The following CDK19 variants were observed in gnomAD, a reference collection of about 807,000 sequenced individuals.
The protein encoded by CDK19 is cyclin dependent kinase 19.
CDK19 carries 20 observed loss-of-function variants against 68.3 expected under a neutral mutation model. The ratio of observed to expected loss-of-function variants is 0.29; its 90% CI spans 0.21 to 0.43. CDK19 has a LOEUF of 0.43. CDK19 is among the 20% of genes least tolerant of loss of function. CDK19 has a pLI of 1.00. For missense variants in CDK19, 339 were observed against 623.5 expected, an observed-to-expected ratio of 0.54 and a Z score of 4.86; for synonymous variants, 221 against 222.8, an observed-to-expected ratio of 0.99 and a Z score of 0.07.
chr6:110,795,663 C>T (rs538869475), intron 1 of CDK19, among the ~76,000 whole-genome samples: 14 of 152,080 alleles, frequency 9.2e-5, no homozygotes, highest in African/African-American at 3.4e-4. Context: ...TTATAAGACG[C>T]TATTTTAAGG....
rs370219118 is a variant in CDK19 at position 110,788,329 on chromosome 6, AT to A, written c.128+26679del. On this transcript the variant is annotated intron_variant, in intron 1 of 12. Coordinates refer to ENST00000368911, the MANE Select transcript of CDK19 (RefSeq NM_015076.5). ...AGGTTTGCATCACCATGCCTGGCTAATTTTTTTTTTAAGAGACAGGGTCCCA... is the reference window on the plus strand; with the variant it reads ...AGGTTTGCATCACCATGCCTGGCTAATTTTTTTTTAAGAGACAGGGTCCCA... Among the ~76,000 whole-genome samples the A allele has an allele frequency of 2.4e-4, 36 of 148,688 alleles. No individual in the cohort carries two copies. In the East Asian group the frequency reaches 2.9e-3, roughly 12 times the overall value.
chr6:110,642,393 T>C (rs999450907), intron 4 of CDK19, among the ~76,000 whole-genome samples: 4 of 150,764 alleles, frequency 2.7e-5, no homozygotes, highest in Non-Finnish European at 5.9e-5. Context: ...TCAACAAATA[T>C]TGTTTGATCA....
chr6:110,805,283 T>C (rs1733604780), intron 1 of CDK19, among the ~76,000 whole-genome samples: 1 of 152,198 alleles, frequency 6.6e-6, no homozygotes, highest in African/African-American at 2.4e-5. Context: ...ATCTTGTCCC[T>C]TTGTTTTAGA....
At chr6:110,674,551 G>A (rs1203159382) in intron 2 of CDK19, among the ~76,000 whole-genome samples, 1 of 152,162 alleles carries the variant, frequency 6.6e-6, no homozygotes, top group Admixed American at 6.5e-5. Context: ...CCTTATTGTG[G>A]ATAGGGAGAA....
In CDK19 at chr6:110,673,936, T is replaced by G. The variant is rs1185859764; in HGVS notation, c.205-3395A>C. 3.3e-5 allele frequency among the ~76,000 whole-genome samples: 5 copies of G among 152,118 alleles called. No individual in the cohort carries two copies. The East Asian group carries it at 7.7e-4, about 23-fold the overall frequency. ...TATGTCATACAGATAGTTACTTCGT[T>G]GCTTCACAGATACTGTGTTTTTCCC... On this transcript the variant is annotated intron_variant, in intron 2 of 12. Transcript: ENST00000368911.
chr6:110,641,625 A>G (rs1582751992), intron 4 of CDK19, among the ~76,000 whole-genome samples: 2 of 116,930 alleles, frequency 1.7e-5, no homozygotes, highest in Admixed American at 8.4e-5. Flanking sequence ...AAGAAAGGAG[A>G]GGAAAGGAGG....
rs541530190 is a variant in CDK19, at chr6:110,668,418, C to G, written c.316-844G>C. Among the ~76,000 whole-genome samples the G allele has an allele frequency of 5.9e-5, 9 of 152,124 alleles. No homozygotes were observed. In the South Asian group the frequency reaches 1.9e-3, roughly 32 times the overall value. Reference sequence around the variant, plus strand: ...AGCTTTTTTATTTTTATAAACTGTTCAGTAATAACATTGATTTGATTTTAA... The same window carrying G: ...AGCTTTTTTATTTTTATAAACTGTTGAGTAATAACATTGATTTGATTTTAA... On this transcript the variant is annotated intron_variant, in intron 3 of 12. Coordinates refer to ENST00000368911, the MANE Select transcript of CDK19 (RefSeq NM_015076.5).
intron 1 of CDK19, among the ~76,000 whole-genome samples, chr6:110,749,817 G>GCTCTTCCAAT (rs1554218100): frequency 2.7e-5 from 4 of 145,998 alleles, no homozygotes; most frequent in South Asian, 2.4e-4. Flanking sequence ...CTGTTGCTCA[G>GCTCTTCCAAT]GCTGGAGTGC....
At chr6:110,667,617 A>G in intron 3 of CDK19, 43 bp from the exon 4 acceptor site, 1 of 1,073,872 alleles carries the variant, frequency 9.3e-7, no homozygotes, top group East Asian at 2.8e-5. Flanking sequence ...CTTTGCTAAT[A>G]TCTATGCCAA....
At chr6:110,814,763 C>T (rs1405089924) in intron 1 of CDK19, 2 of 656,468 alleles carry the variant, frequency 3.0e-6, no homozygotes, top group Non-Finnish European at 5.6e-6. Flanking sequence ...CGGAGGGCGC[C>T]CCTCTGGGAC....
chr6:110,769,574 AAAAAAT>A (rs1212575112), intron 1 of CDK19, among the ~76,000 whole-genome samples: 61 of 146,574 alleles, frequency 4.2e-4, no homozygotes, highest in Middle Eastern at 3.4e-3. Context: ...CAAAAAAAAA[AAAAAAT>A]AATAATAATA....
In CDK19 at chr6:110,694,283, G is replaced by A. The variant is rs565496620; in HGVS notation, c.205-23742C>T. On this transcript the variant is annotated intron_variant, in intron 2 of 12. Transcript: ENST00000368911. Reference sequence around the variant, plus strand: ...ACATAAGGCCTCACATAAGCTTAAAGTAAAGCAGTAGAAAAAGATATGCAA... The same window carrying A: ...ACATAAGGCCTCACATAAGCTTAAAATAAAGCAGTAGAAAAAGATATGCAA... 2.1e-3 allele frequency among the ~76,000 whole-genome samples: 325 copies of A among 152,208 alleles called. 1 individual carries two copies. Among genetic ancestry groups the A allele is most frequent in the Non-Finnish European group, 3.8e-3 (255 of 67,998 alleles).
chr6:110,691,737 T>C (rs990727778), intron 2 of CDK19, among the ~76,000 whole-genome samples: 2 of 151,268 alleles, frequency 1.3e-5, no homozygotes, highest in African/African-American at 4.8e-5. Context: ...AACCTCCGCC[T>C]CCTGAGTTCA....
intron 2 of CDK19, among the ~76,000 whole-genome samples, chr6:110,686,694 A>G (rs1472431690): frequency 1.3e-5 from 2 of 152,246 alleles, no homozygotes; most frequent in African/African-American, 4.8e-5. Flanking sequence ...GCCATTATCA[A>G]GCACCTACAA....
At chr6:110,636,705 G>A (rs1369196297) in intron 5 of CDK19, among the ~76,000 whole-genome samples, 1 of 152,206 alleles carries the variant, frequency 6.6e-6, no homozygotes, top group Non-Finnish European at 1.5e-5. Flanking sequence ...TGAACATCAT[G>A]TGTTCTAAAA....
chr6:110,798,969 CCT>C (rs1324331596), intron 1 of CDK19, among the ~76,000 whole-genome samples: 1 of 151,302 alleles, frequency 6.6e-6, no homozygotes, highest in Non-Finnish European at 1.5e-5. Flanking sequence ...ATGGCAAAAC[CCT>C]GTCTCTACAA....
chr6:110,668,105 C>T (rs779050332), intron 3 of CDK19, among the ~76,000 whole-genome samples: 1 of 152,102 alleles, frequency 6.6e-6, no homozygotes, highest in South Asian at 2.1e-4. Flanking sequence ...ATAGGAAATT[C>T]GATCCCATTG....
intron 2 of CDK19, among the ~76,000 whole-genome samples, chr6:110,697,627 C>T (rs1361968807): frequency 2.0e-5 from 3 of 151,564 alleles, no homozygotes; most frequent in Non-Finnish European, 4.4e-5. Context: ...ATGAAAATAC[C>T]GTCATCATTC....
intron 1 of CDK19, among the ~76,000 whole-genome samples, chr6:110,794,406 CTT>C (rs58569860): frequency 0.051 from 6,749 of 131,942 alleles, 167 homozygotes; most frequent in Middle Eastern, 0.089. Flanking sequence ...TAGTTTGAAA[CTT>C]TTTTTTTTTT....
Sources: allele counts gnomAD v4.1 joint callset (sites outside exome capture counted in the v4.1 genomes callset), GRCh38; gene constraint gnomAD v4.1.1; transcripts MANE v1.5; gene names NCBI Gene and HGNC (gene_info 2026-07-23, HGNC 2026-07-21).